HIVEP3: variants seen among roughly 807,000 people sequenced by gnomAD.
HIVEP3 encodes HIVEP zinc finger 3.
HIVEP3 carries 49 observed loss-of-function variants against 152.8 expected under a neutral mutation model. The observed-to-expected ratio is 0.32, with a 90% CI of 0.26 to 0.41. The LOEUF (loss-of-function observed/expected upper bound fraction) is 0.41. Ranked by LOEUF, HIVEP3 falls within the 10% of genes least tolerant of loss-of-function variation. HIVEP3 has a pLI of 1.00. For missense variants in HIVEP3, 2,790 were observed against 3,103.3 expected (o/e 0.90, Z 2.40); for synonymous variants, 1,269 against 1,289.0 (o/e 0.98, Z 0.33).
intron 2 of HIVEP3, among the ~76,000 whole-genome samples, chr1:41,690,993 C>A (rs1424679544): frequency 6.6e-5 from 10 of 152,200 alleles, no homozygotes; most frequent in Admixed American, 6.5e-4. Context: ...CTGGGCTCTG[C>A]CCCTTACTCA....
At chr1:42,009,298 T>C (rs1046134586) in intron 1 of HIVEP3, among the ~76,000 whole-genome samples, 3 of 152,228 alleles carry the variant, frequency 2.0e-5, no homozygotes, top group Non-Finnish European at 4.4e-5. Flanking sequence ...CCCCTGTTGC[T>C]GAGAGCTTTT....
chr1:41,536,839 G>C (rs1180121146), intron 5 of HIVEP3, among the ~76,000 whole-genome samples: 1 of 152,120 alleles, frequency 6.6e-6, no homozygotes, highest in Non-Finnish European at 1.5e-5. Context: ...ATTTACACAG[G>C]AGAAAACAGT....
chr1:41,969,959 A>G lies in HIVEP3; in HGVS notation n.120-51435T>C, dbSNP rs184778782. Among the ~76,000 whole-genome samples, 18 of 152,118 alleles carry G rather than the reference A, an allele frequency of 1.2e-4. No individual in the cohort carries two copies. The East Asian group carries it at 2.1e-3, about 18-fold the overall frequency. On this transcript the variant is annotated intron_variant and non_coding_transcript_variant, in intron 1 of 3. Coordinates refer to the HIVEP3 transcript ENST00000489103. ...GCCAACAAGCATGAAAAAAAGCTCA[A>G]CAAGAGAAATACAAATCAAAACCAC...
intron 3 of HIVEP3, among the ~76,000 whole-genome samples, chr1:41,621,478 C>T (rs1337427158): frequency 2.0e-5 from 3 of 152,236 alleles, no homozygotes; most frequent in African/African-American, 7.2e-5. Flanking sequence ...CACTCCCCAC[C>T]CTGAGCTCAG....
intron 1 of HIVEP3, among the ~76,000 whole-genome samples, chr1:41,999,614 A>G (rs55920727): frequency 0.028 from 4,315 of 152,306 alleles, 174 homozygotes; most frequent in African/African-American, 0.095. Context: ...TTAAAGTGCT[A>G]TGGGAACCCA....
intron 1 of HIVEP3, among the ~76,000 whole-genome samples, chr1:41,874,338 C>T (rs1321698500): frequency 6.6e-6 from 1 of 152,160 alleles, no homozygotes; most frequent in Non-Finnish European, 1.5e-5. Context: ...TGAAGATTGC[C>T]CACTGATTTC....
At chr1:41,892,110 G>A (rs1488889759) in intron 1 of HIVEP3, among the ~76,000 whole-genome samples, 3 of 152,198 alleles carry the variant, frequency 2.0e-5, no homozygotes, top group Non-Finnish European at 2.9e-5. Context: ...TTTGGACACC[G>A]AAGCTGTGAC....
intron 3 of HIVEP3, among the ~76,000 whole-genome samples, chr1:41,587,595 G>GGT (rs2149112355): frequency 6.6e-6 from 1 of 152,252 alleles, no homozygotes; most frequent in African/African-American, 2.4e-5. Context: ...ACTGTCTCTG[G>GGT]GTGTCTCATA....
intron 3 of HIVEP3, among the ~76,000 whole-genome samples, chr1:41,594,514 G>A (rs548763169): frequency 2.0e-5 from 3 of 152,156 alleles, no homozygotes; most frequent in East Asian, 1.9e-4. Flanking sequence ...GAGCCACCCC[G>A]CCTGGCCGAT....
intron 1 of HIVEP3, among the ~76,000 whole-genome samples, chr1:41,809,834 C>G (rs893702436): frequency 2.6e-5 from 4 of 152,096 alleles, no homozygotes; most frequent in African/African-American, 9.7e-5. Flanking sequence ...AGGGGAAGGT[C>G]CCTGAGAATA....
chr1:41,790,891 C>T (rs755011488), intron 1 of HIVEP3, among the ~76,000 whole-genome samples: 1 of 152,146 alleles, frequency 6.6e-6, no homozygotes. Context: ...TGACTCCCAA[C>T]CCCTGTACCA....
intron 5 of HIVEP3, among the ~76,000 whole-genome samples, chr1:41,527,030 CCA>C (rs1642975714): frequency 1.4e-5 from 1 of 71,152 alleles, no homozygotes; most frequent in Admixed American, 1.4e-4. Context: ...CACTCACCCC[CCA>C]CCCTCACACA....
Position 41,513,261 on chromosome 1 carries a change from A to G in HIVEP3, c.5960T>C (p.Leu1987Pro), listed in dbSNP as rs976790206. Residue 1987 changes from leucine to proline, a missense_variant, in exon 8 of 9, where the codon CTA becomes CCA. Physicochemically the swap from Leu to Pro is moderately conservative, Grantham distance 98. Transcript: ENST00000372583. ...SRPPLARKHS[L>P]TKNDSSPQRC... ...CTGGGGAGATGAGTCGTTTTTGGTT[A>G]GCGAGTGTTTGCGGGCTAGTGGTGG... 2.7e-6 allele frequency: 4 copies of G among 1,482,784 alleles called. No individual in the cohort carries two copies. The highest frequency in any genetic ancestry group is 3.7e-6 in the Non-Finnish European group (4 of 1,086,382). 91.9% of individuals were successfully genotyped at this position (1,482,784 alleles called of 1,614,324 possible). A position where few individuals can be genotyped will look rare whatever the true frequency, so the allele number is the denominator to read the frequency against.
chr1:41,743,441 T>C (rs1647026620), intron 1 of HIVEP3, among the ~76,000 whole-genome samples: 1 of 152,188 alleles, frequency 6.6e-6, no homozygotes, highest in Non-Finnish European at 1.5e-5. Flanking sequence ...AATGAATGAA[T>C]GAATGAATGT....
chr1:41,876,497 C>T (rs1367464508), intron 1 of HIVEP3, among the ~76,000 whole-genome samples: 1 of 152,138 alleles, frequency 6.6e-6, no homozygotes, highest in Admixed American at 6.5e-5. Flanking sequence ...TGAATTAATA[C>T]TTGTAAAGTT....
chr1:41,750,254 G>A (rs552479761), intron 1 of HIVEP3, among the ~76,000 whole-genome samples: 8 of 152,344 alleles, frequency 5.3e-5, no homozygotes, highest in Non-Finnish European at 1.0e-4. Context: ...TCCACAGCAA[G>A]CACTTGTAAG....
At chr1:41,656,119 G>C (rs1438677192) in intron 2 of HIVEP3, among the ~76,000 whole-genome samples, 1 of 152,156 alleles carries the variant, frequency 6.6e-6, no homozygotes, top group African/African-American at 2.4e-5. Context: ...CTGCCAATTA[G>C]AAACCACAGT....
intron 6 of HIVEP3, among the ~76,000 whole-genome samples, chr1:41,523,641 C>T (rs1418022687): frequency 6.6e-6 from 1 of 152,144 alleles, no homozygotes; most frequent in East Asian, 1.9e-4. Flanking sequence ...GGTAGGGACC[C>T]TGCTGGGCCC....
At chr1:41,707,553 A>G (rs1208380906) in intron 1 of HIVEP3, among the ~76,000 whole-genome samples, 1 of 152,212 alleles carries the variant, frequency 6.6e-6, no homozygotes, top group Admixed American at 6.5e-5. Context: ...ATATGCCTAG[A>G]GGACAAATGT....
Sources: allele counts gnomAD v4.1 joint callset (sites outside exome capture counted in the v4.1 genomes callset), GRCh38; gene constraint gnomAD v4.1.1; transcripts MANE v1.5; gene names NCBI Gene and HGNC (gene_info 2026-07-23, HGNC 2026-07-21).